CCDC170: variants seen among roughly 807,000 people sequenced by gnomAD.
CCDC170 encodes the protein coiled-coil domain-containing protein 170.
Under a neutral mutation model 72.6 loss-of-function variants are expected in CCDC170, and 69 were observed. The ratio of observed to expected loss-of-function variants is 0.95; its 90% confidence interval spans 0.78 to 1.16. The LOEUF is 1.16. Ranked by LOEUF, CCDC170 falls within the 50% of genes most tolerant of loss-of-function variation. CCDC170 has a pLI of 0.00. For missense variants in CCDC170, 852 were observed against 832.5 expected (o/e 1.02, Z -0.29); for synonymous variants, 300 against 303.9 (o/e 0.99, Z 0.13).
intron 7 of CCDC170, among the ~76,000 whole-genome samples, chr6:151,592,411 G>A (rs1776555264): frequency 6.6e-6 from 1 of 151,976 alleles, no homozygotes; most frequent in Non-Finnish European, 1.5e-5. Context: ...CCTGAGGCTG[G>A]GTAATTTATA....
chr6:151,533,306 G>T (rs1013943390), intron 1 of CCDC170, among the ~76,000 whole-genome samples: 2 of 151,574 alleles, frequency 1.3e-5, no homozygotes, highest in African/African-American at 4.8e-5. Flanking sequence ...TGCCCGCCTT[G>T]GCCTCCCAAA....
intron 1 of CCDC170, among the ~76,000 whole-genome samples, chr6:151,507,350 C>T (rs1209163203): frequency 2.6e-5 from 4 of 151,918 alleles, no homozygotes; most frequent in Non-Finnish European, 5.9e-5. Context: ...GAAAAAATTA[C>T]AGATGATCCC....
chr6:151,518,776 G>A (rs1017364413), intron 1 of CCDC170, among the ~76,000 whole-genome samples: 5 of 152,090 alleles, frequency 3.3e-5, no homozygotes, highest in Non-Finnish European at 5.9e-5. Context: ...ATCACATATC[G>A]GTAGGACCAT....
At chr6:151,544,491 A>G in intron 3 of CCDC170, 81 bp from the exon 4 acceptor site, 1 of 1,295,958 alleles carries the variant, frequency 7.7e-7, no homozygotes, top group Non-Finnish European at 1.1e-6. Flanking sequence ...TTTCCCCCAT[A>G]GAGCTTATAT....
At chr6:151,534,022 A>G (rs1411976612) in intron 1 of CCDC170, among the ~76,000 whole-genome samples, 1 of 151,904 alleles carries the variant, frequency 6.6e-6, no homozygotes, top group Non-Finnish European at 1.5e-5. Flanking sequence ...CTTAATACAC[A>G]GCTTCTTTTC....
At chr6:151,575,765 T>A (rs546907225) in intron 6 of CCDC170, among the ~76,000 whole-genome samples, 20 of 152,044 alleles carry the variant, frequency 1.3e-4, no homozygotes, top group African/African-American at 4.6e-4. Context: ...CTTGACCTTG[T>A]GATCCACCCG....
At chr6:151,601,434 A>G (rs2115126758) in intron 9 of CCDC170, among the ~76,000 whole-genome samples, 1 of 152,252 alleles carries the variant, frequency 6.6e-6, no homozygotes, top group African/African-American at 2.4e-5. Context: ...ATGTTGTACC[A>G]TGGATCAGTA....
In CCDC170 at chr6:151,585,055, G is replaced by C. The variant is rs1241413798; in HGVS notation, c.1093-834G>C. 2.6e-5 allele frequency among the ~76,000 whole-genome samples: 4 copies of C among 152,228 alleles called. No individual in the cohort carries two copies. The East Asian group carries it at 5.8e-4, about 22-fold the overall frequency. ...TTGAATTCAACATTTTATGAAACTG[G>C]ATTTAGTAAAATCAGTTTGAGTTTT... On this transcript the variant is annotated intron_variant, in intron 6 of 10. Coordinates refer to ENST00000239374, the MANE Select transcript of CCDC170 (RefSeq NM_025059.4).
At chr6:151,577,065 C>G (rs1045301149) in intron 6 of CCDC170, among the ~76,000 whole-genome samples, 5 of 152,108 alleles carry the variant, frequency 3.3e-5, no homozygotes, top group African/African-American at 1.2e-4. Context: ...CTACTTGTTC[C>G]TTGCATATCT....
Position 151,518,005 on chromosome 6 carries a change from A to T in CCDC170, c.58-18313A>T, listed in dbSNP as rs17081350. Among the ~76,000 whole-genome samples, 171 of 152,098 alleles carry T rather than the reference A, an allele frequency of 1.1e-3. 1 individual carries two copies. The East Asian group carries it at 0.03, about 27-fold the overall frequency. On this transcript the variant is annotated intron_variant, in intron 1 of 10. Transcript: ENST00000239374. ...GGATGGAAATTAAAGGAATTCTCAA[A>T]AATCCAGGCCTTTTGCAAACAGTAA... is the stretch of plus-strand genomic sequence containing the variant.
At chr6:151,597,221 G>A (rs909891292) in intron 9 of CCDC170, among the ~76,000 whole-genome samples, 4 of 152,152 alleles carry the variant, frequency 2.6e-5, no homozygotes, top group Non-Finnish European at 5.9e-5. Flanking sequence ...CTCTGCCTGG[G>A]TTCAAGTGAT....
intron 5 of CCDC170, among the ~76,000 whole-genome samples, chr6:151,554,597 A>T (rs1182087706): frequency 6.6e-6 from 1 of 151,964 alleles, no homozygotes. Context: ...TGTGGTGGGC[A>T]CCTGTAATCC....
chr6:151,512,106 A>G (rs1309732735), intron 1 of CCDC170, among the ~76,000 whole-genome samples: 1 of 150,756 alleles, frequency 6.6e-6, no homozygotes, highest in African/African-American at 2.4e-5. Flanking sequence ...CAACCTCCCA[A>G]TGTGCTGGGA....
In CCDC170 at chr6:151,596,332, C is replaced by T. The variant is rs758420777; in HGVS notation, c.1468-3C>T. On this transcript the variant is annotated splice_region_variant and splice_polypyrimidine_tract_variant and intron_variant, in intron 8 of 10. Transcript: ENST00000239374. ...AAAAAAATCCCTGTTTGCATCAAAC[C>T]AGCTAAAGACACAGAAAGAGAGACT... 10 of 1,588,968 alleles carry T rather than the reference C, an allele frequency of 6.3e-6. No individual in the cohort carries two copies. The highest frequency in any genetic ancestry group is 8.5e-6 in the Non-Finnish European group (10 of 1,171,224).
chr6:151,513,934 A>AG (rs1782189256), intron 1 of CCDC170, among the ~76,000 whole-genome samples: 1 of 150,132 alleles, frequency 6.7e-6, no homozygotes, highest in African/African-American at 2.5e-5. Flanking sequence ...AAAAAAAAAA[A>AG]AAAAAGAAAA....
At chr6:151,594,175 T>C (rs912129171) in intron 8 of CCDC170, among the ~76,000 whole-genome samples, 1 of 152,232 alleles carries the variant, frequency 6.6e-6, no homozygotes, top group Non-Finnish European at 1.5e-5. Flanking sequence ...GATGTATTCT[T>C]ATAATAGTTC....
At position 151,551,433 on chromosome 6, in the gene CCDC170, G is replaced by A. The variant is rs528947337; in HGVS notation, c.774+2944G>A. ...TTTTTATATGCTTCCTCTTGAGCACGGTCTGGACTTAGTGATTCCCTTCTA... is the reference window on the plus strand; with the variant it reads ...TTTTTATATGCTTCCTCTTGAGCACAGTCTGGACTTAGTGATTCCCTTCTA... On this transcript the variant is annotated intron_variant, in intron 5 of 10. Transcript: ENST00000239374. Among the ~76,000 whole-genome samples the A allele has an allele frequency of 5.9e-5, 9 of 152,180 alleles. No homozygotes were observed. The South Asian group carries it at 1.5e-3, about 25-fold the overall frequency.
At chr6:151,572,133 G>A (rs1776227332) in intron 5 of CCDC170, among the ~76,000 whole-genome samples, 1 of 152,122 alleles carries the variant, frequency 6.6e-6, no homozygotes, top group African/African-American at 2.4e-5. Context: ...GATTACAGGA[G>A]TGAGCCACTG....
At chr6:151,542,570 A>G (rs1782708864) in intron 3 of CCDC170, among the ~76,000 whole-genome samples, 1 of 152,234 alleles carries the variant, frequency 6.6e-6, no homozygotes, top group Admixed American at 6.5e-5. Context: ...TTGAAATACC[A>G]TAATGTACTC....
Sources: gnomAD v4.1 joint callset for allele counts (sites outside exome capture counted in the v4.1 genomes callset) on GRCh38, gnomAD v4.1.1 for gene constraint, MANE v1.5 for transcripts, NCBI Gene and HGNC (gene_info 2026-07-23, HGNC 2026-07-21) for gene names.